Variants in ZNF236 observed in about 807,000 individuals in gnomAD.
ZNF236 encodes regulated by glucose.
In ZNF236, 50 loss-of-function variants were observed where a neutral mutation model predicts 191.2. The observed-to-expected ratio is 0.26, with a 90% CI of 0.21 to 0.33. ZNF236 has a LOEUF of 0.33. ZNF236 is among the 10% of genes least tolerant of loss of function. ZNF236 has a pLI of 1.00. For synonymous variants in ZNF236, 907 were observed against 928.8 expected (o/e 0.98, Z 0.43); for missense variants, 1,754 against 2,374.5 (o/e 0.74, Z 5.43).
At chr18:76,854,984 G>A (rs1976002357) in intron 3 of ZNF236, among the ~76,000 whole-genome samples, 2 of 152,182 alleles carry the variant, frequency 1.3e-5, no homozygotes, top group Admixed American at 1.3e-4. Flanking sequence ...GTAGTACAGT[G>A]GCATGATCTC....
chr18:76,848,677 T>C (rs934322390), intron 1 of ZNF236, among the ~76,000 whole-genome samples: 2 of 152,204 alleles, frequency 1.3e-5, no homozygotes, highest in African/African-American at 4.8e-5. Context: ...AAAGGTTTTA[T>C]TTTTAAGAGA....
At chr18:76,912,390 A>C in intron 17 of ZNF236, 43 bp downstream of exon 17, 1 of 1,463,914 alleles carries the variant, frequency 6.8e-7, no homozygotes, top group Non-Finnish European at 9.5e-7. Flanking sequence ...GCCGGCTCCC[A>C]GGAACGGATG....
At chr18:76,870,002 C>T (rs1319674132) in intron 4 of ZNF236, among the ~76,000 whole-genome samples, 1 of 152,136 alleles carries the variant, frequency 6.6e-6, no homozygotes, top group Non-Finnish European at 1.5e-5. Context: ...ATCATTTTAA[C>T]TACTATATTA....
intron 2 of ZNF236, among the ~76,000 whole-genome samples, chr18:76,851,040 T>TA (rs1236154505): frequency 0.028 from 3,612 of 129,726 alleles, 207 homozygotes; most frequent in African/African-American, 0.089. Context: ...TTTTTTTTTT[T>TA]AAAAAAAAGC....
chr18:76,881,763 GCTT>G (rs1976909197), intron 9 of ZNF236, among the ~76,000 whole-genome samples: 1 of 152,206 alleles, frequency 6.6e-6, no homozygotes, highest in Admixed American at 6.5e-5. Context: ...GGGCTTGAAA[GCTT>G]CTTGTCTCTG....
intron 3 of ZNF236, among the ~76,000 whole-genome samples, chr18:76,860,374 C>T (rs569048575): frequency 7.2e-5 from 11 of 152,324 alleles, no homozygotes; most frequent in African/African-American, 2.4e-4. Context: ...TTCAGATGTG[C>T]CTTTTAATAC....
chr18:76,856,470 G>T (rs184243376), intron 3 of ZNF236, among the ~76,000 whole-genome samples: 182 of 152,222 alleles, frequency 1.2e-3, no homozygotes, highest in African/African-American at 4.3e-3. Flanking sequence ...GGCATGAGCC[G>T]CTGCACCTGG....
At chr18:76,953,485 A>G (rs1968456783) in intron 27 of ZNF236, among the ~76,000 whole-genome samples, 1 of 152,326 alleles carries the variant, frequency 6.6e-6, no homozygotes, top group Admixed American at 6.5e-5. Flanking sequence ...CAAGGATTCT[A>G]TCATTTAAGG....
chr18:76,923,323 T>G (rs1967590121), intron 21 of ZNF236, 149 bp downstream of exon 21: 2 of 559,714 alleles, frequency 3.6e-6, no homozygotes, highest in South Asian at 5.4e-5. Context: ...TAAAAGATTT[T>G]TTTATTCCTG....
Position 76,968,916 on chromosome 18 carries a change from AC to A in ZNF236, c.*579del. The A allele has an allele frequency of 1.0e-6, 1 of 973,756 alleles. No homozygotes were observed. The allele number at this position is 973,756 out of a possible 1,614,324, so 60.3% of individuals were successfully genotyped here. On this transcript the variant is annotated 3_prime_UTR_variant, in exon 31 of 31. Coordinates refer to ENST00000320610, the MANE Select transcript of ZNF236 (RefSeq NM_001306089.2). ...AACTGATACCTTGAGAGATGGCTGG[AC>A]CAATTCTCTCCATGACAAATGTTTA...
In ZNF236 at chr18:76,959,828, G is replaced by A. The variant is rs764079603; in HGVS notation, c.5242+12G>A. ...CCGCATACATACAGGTAACGGGGAA[G>A]GACGTGCTTTTGTTTCCTTACTCTT... is the stretch of plus-strand genomic sequence containing the variant. On this transcript the variant is annotated intron_variant, in intron 29 of 30. Transcript: ENST00000320610. 14 of 1,611,524 alleles carry A rather than the reference G, an allele frequency of 8.7e-6. No homozygotes were observed. The highest frequency in any genetic ancestry group is 1.2e-5 in the Non-Finnish European group (14 of 1,178,538).
intron 11 of ZNF236, among the ~76,000 whole-genome samples, chr18:76,901,675 T>C (rs1977597898): frequency 6.6e-6 from 1 of 151,998 alleles, no homozygotes; most frequent in African/African-American, 2.4e-5. Flanking sequence ...GGAGAATGGC[T>C]TGAACCCAGG....
chr18:76,961,777 G>C (rs1219139936), intron 30 of ZNF236, among the ~76,000 whole-genome samples: 1 of 151,824 alleles, frequency 6.6e-6, no homozygotes, highest in African/African-American at 2.4e-5. Flanking sequence ...GAGTAAAATG[G>C]TATCACATTG....
At chr18:76,837,732 C>T (rs1975379130) in intron 1 of ZNF236, among the ~76,000 whole-genome samples, 2 of 152,158 alleles carry the variant, frequency 1.3e-5, no homozygotes, top group Admixed American at 1.3e-4. Flanking sequence ...TGACCCACCG[C>T]GCCTGGCTTT....
At chr18:76,945,918 G>A (rs1332187804) in intron 26 of ZNF236, among the ~76,000 whole-genome samples, 1 of 152,210 alleles carries the variant, frequency 6.6e-6, no homozygotes, top group African/African-American at 2.4e-5. Context: ...CCCAAATCAA[G>A]TTAGAAGCTC....
chr18:76,944,130 TG>T (rs1047967758), intron 26 of ZNF236, among the ~76,000 whole-genome samples: 1 of 152,178 alleles, frequency 6.6e-6, no homozygotes, highest in Non-Finnish European at 1.5e-5. Flanking sequence ...TCAGTAGTCA[TG>T]GGTGGGGCTG....
chr18:76,845,397 A>G (rs1975644684), intron 1 of ZNF236, among the ~76,000 whole-genome samples: 1 of 152,186 alleles, frequency 6.6e-6, no homozygotes. Context: ...GTACTGTTCT[A>G]GATCTTAGAT....
intron 1 of ZNF236, among the ~76,000 whole-genome samples, chr18:76,822,868 C>A (rs1384058435): frequency 6.8e-6 from 1 of 147,534 alleles, no homozygotes; most frequent in African/African-American, 2.4e-5. Flanking sequence ...CCCGGCCCCT[C>A]CGCGCGCTGG....
At chr18:76,959,645 T>A (rs1968611937) in intron 28 of ZNF236, 42 bp from the exon 29 acceptor site, 1 of 1,564,022 alleles carries the variant, frequency 6.4e-7, no homozygotes, top group African/African-American at 1.4e-5. Context: ...TCTCGAAAGC[T>A]GTTTTGATCT....
Sources: gnomAD v4.1 joint callset for allele counts (sites outside exome capture counted in the v4.1 genomes callset) on GRCh38, gnomAD v4.1.1 for gene constraint, MANE v1.5 for transcripts, NCBI Gene and HGNC (gene_info 2026-07-23, HGNC 2026-07-21) for gene names.